Variants in PKD2 observed in about 807,000 individuals in gnomAD.
PKD2 encodes the protein polycystin-2.
Under a neutral mutation model 105.9 loss-of-function variants are expected in PKD2, and 48 were observed. That is an observed-to-expected ratio of 0.45 (90% CI 0.36 to 0.58). The LOEUF (loss-of-function observed/expected upper bound fraction) is 0.58. PKD2 is among the 20% of genes least tolerant of loss of function. The pLI is 0.00. For synonymous variants in PKD2, 464 were observed against 481.1 expected (o/e 0.96, Z 0.46); for missense variants, 1,078 against 1,255.3 (o/e 0.86, Z 2.13).
At chr4:88,056,005 A>G in intron 7 of PKD2, 81 bp from the exon 8 acceptor site, 2 of 927,260 alleles carry the variant, frequency 2.2e-6, no homozygotes, top group Middle Eastern at 2.4e-4. Flanking sequence ...ATTTCTTTTC[A>G]GGATGAAATA....
intron 9 of PKD2, among the ~76,000 whole-genome samples, chr4:88,059,204 C>A (rs529739003): frequency 6.6e-6 from 1 of 152,264 alleles, no homozygotes; most frequent in East Asian, 1.9e-4. Flanking sequence ...CCTAGCTGTA[C>A]TTTAACAGGA....
intron 13 of PKD2, among the ~76,000 whole-genome samples, chr4:88,070,574 T>TATTTTA (rs1364196560): frequency 8.8e-6 from 1 of 113,920 alleles, no homozygotes; most frequent in South Asian, 3.0e-4. Context: ...TTTATTTATT[T>TATTTTA]TATATATATA....
chr4:88,011,757 A>G (rs1381680523), intron 1 of PKD2, among the ~76,000 whole-genome samples: 1 of 152,210 alleles, frequency 6.6e-6, no homozygotes, highest in Admixed American at 6.5e-5. Flanking sequence ...AACTGCAAAC[A>G]TCCAACTCAC....
chr4:88,013,018 T>G (rs962703639), intron 1 of PKD2, among the ~76,000 whole-genome samples: 5 of 152,180 alleles, frequency 3.3e-5, no homozygotes, highest in African/African-American at 1.2e-4. Flanking sequence ...CAAATTTTGT[T>G]TATCCATTCA....
intron 9 of PKD2, 95 bp downstream of exon 9, chr4:88,058,198 A>G (rs984079331): frequency 5.0e-6 from 4 of 806,258 alleles, no homozygotes; most frequent in African/African-American, 1.7e-5. Flanking sequence ...TCAATTTTAA[A>G]TAAAGACCCA....
In PKD2 at chr4:88,036,102, C is replaced by T. The variant is rs966039907; in HGVS notation, c.710-118C>T. 3 of 1,501,638 alleles carry T rather than the reference C, an allele frequency of 2.0e-6. No individual in the cohort carries two copies. In the African/African-American group the frequency reaches 4.1e-5, roughly 21 times the overall value. The allele number at this position is 1,501,638 out of a possible 1,614,324, so 93.0% of individuals were successfully genotyped here. On this transcript the variant is annotated intron_variant, in intron 2 of 14. Coordinates refer to ENST00000237596, the MANE Select transcript of PKD2 (RefSeq NM_000297.4). ...AAGGAAGGCAAGGGTGAGAGAAGAC[C>T]TTGTGTGAATTTGTCCAAAATGTTT...
intron 13 of PKD2, among the ~76,000 whole-genome samples, chr4:88,072,853 A>G (rs1241030439): frequency 1.3e-5 from 2 of 151,256 alleles, no homozygotes; most frequent in Admixed American, 1.3e-4. Context: ...CCTGTGCAAC[A>G]TGGTGAGACC....
At position 88,075,864 on chromosome 4, in the gene PKD2, CAA is replaced by C; in HGVS notation, c.*172_*173del. On this transcript the variant is annotated 3_prime_UTR_variant, in exon 15 of 15. Transcript: ENST00000237596. ...TTTTATATAAACTTTACCCATGGTTCAAAGATTTTTTTTTCTTTTTCTCATAT... is the reference window on the plus strand; with the variant it reads ...TTTTATATAAACTTTACCCATGGTTCAGATTTTTTTTTCTTTTTCTCATAT... 1 of 661,664 alleles carries C rather than the reference CAA, an allele frequency of 1.5e-6. No individual in the cohort carries two copies. The highest frequency in any genetic ancestry group is 2.7e-6 in the Non-Finnish European group (1 of 376,804). 41.0% of individuals were successfully genotyped at this position (661,664 alleles called of 1,614,324 possible). A position where few individuals can be genotyped will look rare whatever the true frequency, so the allele number is the denominator to read the frequency against.
chr4:88,041,866 G>T (rs1399354172), intron 4 of PKD2, among the ~76,000 whole-genome samples: 1 of 152,160 alleles, frequency 6.6e-6, no homozygotes, highest in East Asian at 1.9e-4. Context: ...CCTAAAGAAA[G>T]GCCATCTCAG....
chr4:88,062,164 T>C (rs994192243), intron 10 of PKD2, among the ~76,000 whole-genome samples, 160 bp downstream of exon 10: 2 of 152,184 alleles, frequency 1.3e-5, no homozygotes, highest in African/African-American at 2.4e-5. Context: ...TATCTTGGAG[T>C]CTTGATGGAT....
At chr4:88,041,299 C>T (rs1481712601) in intron 4 of PKD2, among the ~76,000 whole-genome samples, 1 of 152,190 alleles carries the variant, frequency 6.6e-6, no homozygotes, top group Non-Finnish European at 1.5e-5. Flanking sequence ...CCTTTCCCTT[C>T]CCATCTTCAC....
intron 4 of PKD2, among the ~76,000 whole-genome samples, chr4:88,041,904 A>G (rs1727578616): frequency 6.6e-6 from 1 of 152,170 alleles, no homozygotes. Context: ...TTTTCTGCAC[A>G]TGAGCCCTCT....
intron 1 of PKD2, among the ~76,000 whole-genome samples, chr4:88,017,027 AAAATAT>A: frequency 6.6e-6 from 1 of 152,216 alleles, no homozygotes; most frequent in Non-Finnish European, 1.5e-5. Flanking sequence ...ATATCATATA[AAAATAT>A]AAATAAGGGA....
intron 1 of PKD2, among the ~76,000 whole-genome samples, chr4:88,011,057 A>G (rs1578113322): frequency 6.6e-6 from 1 of 152,236 alleles, no homozygotes; most frequent in Non-Finnish European, 1.5e-5. Context: ...AGGCAAGAAG[A>G]CCTGTGGGAG....
At chr4:88,038,133 C>T in intron 3 of PKD2, 118 bp from the exon 4 acceptor site, 1 of 1,077,452 alleles carries the variant, frequency 9.3e-7, no homozygotes, top group Non-Finnish European at 1.4e-6. Flanking sequence ...AAAACTCATT[C>T]TTATCACTCT....
In PKD2 at chr4:88,010,435, G is replaced by A. The variant is rs189662612; in HGVS notation, c.595+2107G>A. Among the ~76,000 whole-genome samples the A allele has an allele frequency of 3.3e-5, 5 of 152,298 alleles. No homozygotes were observed. In the East Asian group the frequency reaches 9.6e-4, roughly 29 times the overall value. On this transcript the variant is annotated intron_variant, in intron 1 of 14. Coordinates refer to ENST00000237596, the MANE Select transcript of PKD2 (RefSeq NM_000297.4). ...GAATAAACTAGAATAGCATATCACT[G>A]TTTTCCTATGGACAAAAACCCAGAA...
chr4:88,067,258 A>C (rs1720829526), intron 12 of PKD2, among the ~76,000 whole-genome samples: 1 of 152,214 alleles, frequency 6.6e-6, no homozygotes, highest in African/African-American at 2.4e-5. Context: ...TATAATGCAA[A>C]CATTCCAAAA....
intron 2 of PKD2, among the ~76,000 whole-genome samples, chr4:88,019,910 T>TG (rs1313229268): frequency 6.6e-6 from 1 of 152,238 alleles, no homozygotes; most frequent in Non-Finnish European, 1.5e-5. Flanking sequence ...ACTGTGGACT[T>TG]GCGTTTAACA....
intron 3 of PKD2, among the ~76,000 whole-genome samples, chr4:88,037,358 A>G (rs1038073057): frequency 1.3e-5 from 2 of 152,242 alleles, no homozygotes; most frequent in East Asian, 3.8e-4. Flanking sequence ...CAGTATACCA[A>G]TGAGTGATAC....
Sources: allele counts gnomAD v4.1 joint callset (sites outside exome capture counted in the v4.1 genomes callset), GRCh38; gene constraint gnomAD v4.1.1; transcripts MANE v1.5; gene names NCBI Gene and HGNC (gene_info 2026-07-23, HGNC 2026-07-21).